ITGB6: variants seen among roughly 807,000 people sequenced by gnomAD.
ITGB6 encodes the protein integrin beta-6.
A neutral mutation model predicts 84.5 loss-of-function variants in ITGB6; 80 were observed. The observed-to-expected ratio is 0.95, with a 90% CI of 0.79 to 1.14. The LOEUF is 1.14. Ranked by LOEUF, ITGB6 falls within the 50% of genes most tolerant of loss-of-function variation. ITGB6 has a pLI of 0.00. For missense variants in ITGB6, 1,006 were observed against 968.0 expected, an observed-to-expected ratio of 1.04 and a Z score of -0.52; for synonymous variants, 383 against 354.9, an observed-to-expected ratio of 1.08 and a Z score of -0.89.
rs1686501940 is a variant in ITGB6, at chr2:160,200,130, C to T, written c.-67G>A. 5.8e-6 allele frequency: 7 copies of T among 1,217,050 alleles called. No homozygotes were observed. The highest frequency in any genetic ancestry group is 4.9e-5 in the South Asian group (4 of 81,032). 75.4% of individuals were successfully genotyped at this position (1,217,050 alleles called of 1,614,324 possible). On this transcript the variant is annotated 5_prime_UTR_variant, in exon 1 of 15. Coordinates refer to ENST00000283249, the MANE Select transcript of ITGB6 (RefSeq NM_000888.5). ...TACCTTCAGCGTTACAAGACCAACG[C>T]TGAATATCGTTAAAGTCTTTCTTTC...
chr2:160,146,413 C>T (rs1316376975), intron 7 of ITGB6, among the ~76,000 whole-genome samples: 48 of 152,080 alleles, frequency 3.2e-4, no homozygotes, highest in Admixed American at 3.1e-3. Context: ...ACTAATGTTA[C>T]TTTATTTTAT....
intron 14 of ITGB6, 61 bp downstream of exon 14, chr2:160,107,618 C>G: frequency 6.7e-7 from 1 of 1,495,452 alleles, no homozygotes; most frequent in South Asian, 1.2e-5. Flanking sequence ...CTGAGCCCCT[C>G]AATCTCTTCC....
At chr2:160,191,636 T>A (rs945270810) in intron 4 of ITGB6, among the ~76,000 whole-genome samples, 1 of 152,094 alleles carries the variant, frequency 6.6e-6, no homozygotes, top group Non-Finnish European at 1.5e-5. Context: ...ACCTACTACA[T>A]CAACTTAAAA....
Position 160,107,833 on chromosome 2 carries a change from G to T in ITGB6, c.2114C>A (p.Pro705His). Residue 705 changes from proline to histidine, a missense_variant, in exon 14 of 15, where the codon CCT (proline) becomes CAT (histidine). Transcript: ENST00000283249. ...HSINEKDCPK[P>H]PNIPMIMLGV... is the part of the protein sequence containing the mutation. ...TAACATGATCATGGGAATGTTTGGA[G>T]GCTTCGGACAATCTGCAGAAATAAA... 6.3e-7 allele frequency: 1 copy of T among 1,598,778 alleles called. No homozygotes were observed. Among genetic ancestry groups the T allele is most frequent in the Non-Finnish European group, 8.5e-7 (1 of 1,170,764 alleles).
Position 160,123,808 on chromosome 2 carries a change from G to T in ITGB6, c.1964C>A (p.Thr655Asn), listed in dbSNP as rs768015188. Residue 655 changes from threonine to asparagine, a missense_variant, in exon 12 of 15, where the codon ACC (threonine) becomes AAC (asparagine). Physicochemically the swap from Thr to Asn is moderately conservative, Grantham distance 65. Transcript: ENST00000283249. Reference protein sequence around the residue: ...CVDKCKLAGATISEEEDFSKD... With the variant: ...CVDKCKLAGANISEEEDFSKD... ...AGCAGAACCTTCTTCTTCACTGATGGTCGCACCAGCTAGTTTGCACTTGTC... is the reference window on the plus strand; with the variant it reads ...AGCAGAACCTTCTTCTTCACTGATGTTCGCACCAGCTAGTTTGCACTTGTC... The T allele has an allele frequency of 3.7e-5, 59 of 1,613,630 alleles. No individual in the cohort carries two copies. In the Admixed American group the frequency reaches 9.7e-4, roughly 26 times the overall value.
Position 160,101,832 on chromosome 2 carries a change from T to C in ITGB6, c.2271A>G (p.Gly757=), listed in dbSNP as rs202190549. ...AERSKAKWQT[G]TNPLYRGSTS... ...TGGATCCTCTGTAGAGTGGATTGGTTCCCTGGAAAAAAAAAAAAGATTCAA... is the reference window on the plus strand; with the variant it reads ...TGGATCCTCTGTAGAGTGGATTGGTCCCCTGGAAAAAAAAAAAAGATTCAA... The change falls in exon 15 of 15, where the codon GGA becomes GGG. Residue 757 remains glycine (G), a splice_region_variant and synonymous_variant. Coordinates refer to ENST00000283249, the MANE Select transcript of ITGB6 (RefSeq NM_000888.5). The C allele has an allele frequency of 2.2e-4, 305 of 1,399,780 alleles. 1 individual carries two copies. In the East Asian group the frequency reaches 6.4e-3, roughly 29 times the overall value. The allele number at this position is 1,399,780 out of a possible 1,614,324, so 86.7% of individuals were successfully genotyped here. A position where few individuals can be genotyped will look rare whatever the true frequency, so the allele number is the denominator to read the frequency against.
chr2:160,143,297 A>C (rs535043820), intron 7 of ITGB6, among the ~76,000 whole-genome samples: 1 of 152,260 alleles, frequency 6.6e-6, no homozygotes, highest in African/African-American at 2.4e-5. Context: ...AAAAAATCAT[A>C]ATAATAAATT....
intron 7 of ITGB6, among the ~76,000 whole-genome samples, chr2:160,143,272 G>T (rs1684068423): frequency 1.3e-5 from 2 of 152,092 alleles, no homozygotes; most frequent in African/African-American, 4.8e-5. Context: ...GTGACAAAGT[G>T]AGACCCTGTC....
At chr2:160,166,085 C>T (rs1684990186) in intron 7 of ITGB6, among the ~76,000 whole-genome samples, 2 of 152,198 alleles carry the variant, frequency 1.3e-5, no homozygotes, top group Non-Finnish European at 2.9e-5. Context: ...TTATTCTCCT[C>T]AAACAGTTAA....
At chr2:160,114,883 A>G (rs562386894) in intron 12 of ITGB6, among the ~76,000 whole-genome samples, 2 of 152,330 alleles carry the variant, frequency 1.3e-5, no homozygotes, top group South Asian at 4.1e-4. Flanking sequence ...TCCTACGCCC[A>G]CGGAGTCTCG....
At chr2:160,148,163 T>G (rs1684269868) in intron 7 of ITGB6, among the ~76,000 whole-genome samples, 1 of 152,134 alleles carries the variant, frequency 6.6e-6, no homozygotes, top group Admixed American at 6.5e-5. Context: ...ACAGACATAT[T>G]ACCAAAGAAG....
rs778948272 is a variant in ITGB6, at chr2:160,100,238, G to A, written c.*1498C>T. 1.3e-5 allele frequency: 2 copies of A among 152,146 alleles called. No individual in the cohort carries two copies. Among genetic ancestry groups the A allele is most frequent in the African/African-American group, 4.8e-5 (2 of 41,434 alleles). The allele number at this position is 152,146 out of a possible 1,614,324, so 9.4% of individuals were successfully genotyped here. On this transcript the variant is annotated 3_prime_UTR_variant, in exon 15 of 15. Coordinates refer to ENST00000283249, the MANE Select transcript of ITGB6 (RefSeq NM_000888.5). ...CTGTGACAATTCAATGGACAACCAC[G>A]AAGCCTCCACTACATAATGAACTAT...
chr2:160,116,597 T>C (rs1682780694), intron 12 of ITGB6, among the ~76,000 whole-genome samples: 1 of 152,072 alleles, frequency 6.6e-6, no homozygotes, highest in Non-Finnish European at 1.5e-5. Flanking sequence ...AGGAAGAAAC[T>C]GCATCAACTA....
rs189918967 is a variant in ITGB6, at chr2:160,154,645, A to T, written c.1018-12574T>A. On this transcript the variant is annotated intron_variant, in intron 7 of 14. Transcript: ENST00000283249. ...GTACATAGATGTTTATACCTGCTTT[A>T]TTCATAATTGGCAAAAGCCAGAAGC... 2.3e-3 allele frequency among the ~76,000 whole-genome samples: 344 copies of T among 152,254 alleles called. 1 individual carries two copies. The highest frequency in any genetic ancestry group is 7.6e-3 in the African/African-American group (317 of 41,552).
At chr2:160,180,821 G>C (rs912770035) in intron 4 of ITGB6, among the ~76,000 whole-genome samples, 4 of 152,132 alleles carry the variant, frequency 2.6e-5, no homozygotes, top group Admixed American at 2.0e-4. Context: ...TTAGACAATG[G>C]GTGCAGCCTA....
chr2:160,157,717 A>G, intron 7 of ITGB6, among the ~76,000 whole-genome samples: 2 of 151,340 alleles, frequency 1.3e-5, no homozygotes, highest in South Asian at 4.2e-4. Flanking sequence ...ACATTTTGAA[A>G]GAAATGTAGG....
intron 4 of ITGB6, among the ~76,000 whole-genome samples, chr2:160,183,191 T>C (rs1210640225): frequency 6.6e-6 from 1 of 152,042 alleles, no homozygotes; most frequent in Non-Finnish European, 1.5e-5. Flanking sequence ...AAAATACACA[T>C]AGTGGCAAAT....
chr2:160,112,248 A>G, intron 12 of ITGB6, 49 bp from the exon 13 acceptor site: 1 of 1,539,730 alleles, frequency 6.5e-7, no homozygotes, highest in Non-Finnish European at 8.9e-7. Flanking sequence ...TCCAAAAGAG[A>G]TTGTTTTTAA....
intron 12 of ITGB6, among the ~76,000 whole-genome samples, chr2:160,121,631 A>G (rs1683043650): frequency 6.6e-6 from 1 of 152,066 alleles, no homozygotes; most frequent in Non-Finnish European, 1.5e-5. Flanking sequence ...AAAAACTACA[A>G]AAAATTACAC....
Sources: gnomAD v4.1 joint callset for allele counts (sites outside exome capture counted in the v4.1 genomes callset) on GRCh38, gnomAD v4.1.1 for gene constraint, MANE v1.5 for transcripts, NCBI Gene and HGNC (gene_info 2026-07-23, HGNC 2026-07-21) for gene names.